The following NAT1 variants were observed in gnomAD, a reference collection of about 807,000 sequenced individuals.
NAT1 encodes N-acetyltransferase 1.
For missense variants in NAT1, 400 were observed against 339.2 expected, an observed-to-expected ratio of 1.18 and a Z score of -1.41; for synonymous variants, 144 against 122.6, an observed-to-expected ratio of 1.17 and a Z score of -1.16.
At chr8:18,183,335 C>A (rs1802595997) in intron 2 of NAT1, among the ~76,000 whole-genome samples, 1 of 152,160 alleles carries the variant, frequency 6.6e-6, no homozygotes. Flanking sequence ...ACATTCAAAC[C>A]ATTTTAAACC....
intron 2 of NAT1, among the ~76,000 whole-genome samples, chr8:18,173,510 T>A (rs906916803): frequency 1.3e-5 from 2 of 152,160 alleles, no homozygotes; most frequent in Non-Finnish European, 2.9e-5. Context: ...CAGAGCCACA[T>A]AAAGGGCTTT....
At chr8:18,204,575 T>C in intron 2 of NAT1, among the ~76,000 whole-genome samples, 1 of 152,198 alleles carries the variant, frequency 6.6e-6, no homozygotes. Context: ...GAACAAAATA[T>C]ATTTCAATCT....
At chr8:18,187,596 T>G (rs191457225) in intron 2 of NAT1, among the ~76,000 whole-genome samples, 2 of 151,978 alleles carry the variant, frequency 1.3e-5, no homozygotes, top group Non-Finnish European at 2.9e-5. Context: ...AGCAAACTAA[T>G]GCAGGAACAG....
upstream of NAT1, among the ~76,000 whole-genome samples, chr8:18,206,803 G>GAAATTATAGAAATTAT (rs1589095352): frequency 6.6e-6 from 1 of 152,156 alleles, no homozygotes; most frequent in East Asian, 1.9e-4. Context: ...GCTTTAATTA[G>GAAATTATAGAAATTAT]AAATTATAGA....
intron 2 of NAT1, among the ~76,000 whole-genome samples, chr8:18,198,365 T>C (rs1376229622): frequency 6.6e-6 from 1 of 152,190 alleles, no homozygotes; most frequent in Non-Finnish European, 1.5e-5. Flanking sequence ...GAGTTATGAA[T>C]GGTGTTTGTT....
Position 18,223,096 on chromosome 8 carries a change from A to G in NAT1, c.*176A>G, listed in dbSNP as rs1026120049. The G allele has an allele frequency of 3.7e-5, 11 of 299,718 alleles. No homozygotes were observed. Among genetic ancestry groups the G allele is most frequent in the Non-Finnish European group, 5.7e-5 (9 of 158,910 alleles). The allele number at this position is 299,718 out of a possible 1,614,324, so 18.6% of individuals were successfully genotyped here. On this transcript the variant is annotated 3_prime_UTR_variant, in exon 3 of 3. Coordinates refer to ENST00000307719, the MANE Select transcript of NAT1 (RefSeq NM_000662.8). ...TTAAACAGCTTTTTAAAGAAACATA[A>G]CCACAAACCTTTTCAAATAATAATA...
intron 2 of NAT1, among the ~76,000 whole-genome samples, chr8:18,173,796 A>T (rs1337306020): frequency 6.6e-6 from 1 of 152,122 alleles, no homozygotes; most frequent in Non-Finnish European, 1.5e-5. Flanking sequence ...TTTAACAAGC[A>T]AATATTCTCG....
intron 2 of NAT1, among the ~76,000 whole-genome samples, chr8:18,192,854 G>C (rs549630428): frequency 1.1e-4 from 17 of 151,722 alleles, no homozygotes; most frequent in East Asian, 3.9e-4. Flanking sequence ...GTGGGGGAAG[G>C]GGGGAGGGAT....
At chr8:18,211,881 ATTC>A (rs1296584858) in intron 1 of NAT1, among the ~76,000 whole-genome samples, 1 of 152,220 alleles carries the variant, frequency 6.6e-6, no homozygotes, top group Non-Finnish European at 1.5e-5. Context: ...TCTCCTTGTA[ATTC>A]TTCTAATCAT....
chr8:18,185,921 G>C (rs1563165908), intron 2 of NAT1, among the ~76,000 whole-genome samples: 1 of 151,608 alleles, frequency 6.6e-6, no homozygotes, highest in South Asian at 2.1e-4. Flanking sequence ...TTAGTTATAA[G>C]TGTCCTCCTA....
chr8:18,203,738 A>G (rs971731338), intron 2 of NAT1, among the ~76,000 whole-genome samples: 2 of 152,194 alleles, frequency 1.3e-5, no homozygotes, highest in Admixed American at 1.3e-4. Flanking sequence ...TCCTTGTGAT[A>G]TAGGAGTTAA....
intron 2 of NAT1, among the ~76,000 whole-genome samples, chr8:18,183,010 C>G (rs1802580170): frequency 6.6e-6 from 1 of 151,898 alleles, no homozygotes; most frequent in Non-Finnish European, 1.5e-5. Flanking sequence ...TAATTTTTGT[C>G]TTAGTCTATT....
At chr8:18,180,306 G>A (rs1355208002) in intron 2 of NAT1, among the ~76,000 whole-genome samples, 2 of 152,140 alleles carry the variant, frequency 1.3e-5, no homozygotes, top group African/African-American at 4.8e-5. Flanking sequence ...TGTCAAGGGG[G>A]ATGCTATTTG....
intron 2 of NAT1, among the ~76,000 whole-genome samples, chr8:18,195,848 C>G (rs928355506): frequency 6.6e-6 from 1 of 151,622 alleles, no homozygotes; most frequent in Non-Finnish European, 1.5e-5. Flanking sequence ...TGATGGGGAT[C>G]AGATCTTTTC....
At chr8:18,188,779 G>C (rs1323073789) in intron 2 of NAT1, among the ~76,000 whole-genome samples, 2 of 151,616 alleles carry the variant, frequency 1.3e-5, no homozygotes, top group East Asian at 3.9e-4. Flanking sequence ...GGTGGATCAT[G>C]AGGTTAGGAG....
chr8:18,204,308 C>T (rs1460867919), intron 2 of NAT1, among the ~76,000 whole-genome samples: 3 of 152,130 alleles, frequency 2.0e-5, no homozygotes, highest in African/African-American at 7.2e-5. Context: ...GTATATACCC[C>T]AGAGAGTATA....
chr8:18,190,414 C>G (rs1470639850), intron 2 of NAT1, among the ~76,000 whole-genome samples: 6 of 152,230 alleles, frequency 3.9e-5, no homozygotes, highest in Non-Finnish European at 8.8e-5. Context: ...TGGCCACACA[C>G]AGTGTGACAT....
At chr8:18,199,952 AC>A (rs1803393999) in intron 2 of NAT1, among the ~76,000 whole-genome samples, 1 of 152,190 alleles carries the variant, frequency 6.6e-6, no homozygotes, top group Non-Finnish European at 1.5e-5. Context: ...ACAAATTAAA[AC>A]CACAATGAGA....
intron 2 of NAT1, among the ~76,000 whole-genome samples, chr8:18,189,443 G>A (rs557860784): frequency 2.0e-5 from 3 of 152,118 alleles, no homozygotes; most frequent in Non-Finnish European, 4.4e-5. Flanking sequence ...TCAGATAACA[G>A]TGTAGTTTGA....
Sources: gnomAD v4.1 joint callset for allele counts (sites outside exome capture counted in the v4.1 genomes callset) on GRCh38, gnomAD v4.1.1 for gene constraint, MANE v1.5 for transcripts, NCBI Gene and HGNC (gene_info 2026-07-23, HGNC 2026-07-21) for gene names.